The following TAFA2 variants were observed in gnomAD, a reference collection of about 807,000 sequenced individuals.
TAFA2 encodes the protein TAFA chemokine like family member 2, also known as chemokine-like protein TAFA-2.
In TAFA2, 7 loss-of-function variants were observed where a neutral mutation model predicts 18.8. The ratio of observed to expected loss-of-function variants is 0.37; its 90% CI spans 0.21 to 0.70. The LOEUF is 0.70. Among genes scored for constraint, TAFA2 ranks in the 30% least tolerant of loss-of-function variants. The probability of loss-of-function intolerance (pLI) is 0.53; values close to 1 mark genes in which losing one functional copy is unlikely to be tolerated. For missense variants in TAFA2, 122 were observed against 158.1 expected (o/e 0.77, Z 1.23); for synonymous variants, 60 against 54.2 (o/e 1.11, Z -0.47).
chr12:61,886,563 G>C (rs12308834), intron 1 of TAFA2, among the ~76,000 whole-genome samples: 4,001 of 152,230 alleles, frequency 0.026, 151 homozygotes, highest in African/African-American at 0.09. Context: ...AATGGATCCT[G>C]AGAACACAAG....
At chr12:62,215,289 G>T (rs1314333070) in intron 1 of TAFA2, among the ~76,000 whole-genome samples, 1 of 152,130 alleles carries the variant, frequency 6.6e-6, no homozygotes, top group Non-Finnish European at 1.5e-5. Context: ...AAGCAGCCCT[G>T]TGTGTCTTAT....
chr12:61,731,742 GT>G (rs575213216), intron 4 of TAFA2, among the ~76,000 whole-genome samples: 81 of 152,166 alleles, frequency 5.3e-4, no homozygotes, highest in Non-Finnish European at 1.0e-3. Flanking sequence ...CCAGTTTACA[GT>G]TGAGGACACG....
intron 1 of TAFA2, among the ~76,000 whole-genome samples, chr12:62,025,900 T>A (rs1247411047): frequency 6.6e-6 from 1 of 152,092 alleles, no homozygotes; most frequent in Non-Finnish European, 1.5e-5. Flanking sequence ...CTACCATATG[T>A]ACTGCAGAGG....
chr12:62,258,296 AAT>A (rs2062950186), intron 1 of TAFA2: 2 of 152,202 alleles, frequency 1.3e-5, no homozygotes, highest in African/African-American at 4.8e-5. Flanking sequence ...GTATAATTCA[AAT>A]TGGCATTGAA....
chr12:62,208,020 GC>G (rs2062699275), intron 1 of TAFA2, among the ~76,000 whole-genome samples: 1 of 152,138 alleles, frequency 6.6e-6, no homozygotes, highest in African/African-American at 2.4e-5. Flanking sequence ...AGTGAGATGG[GC>G]AATCTTGGTC....
intron 1 of TAFA2, among the ~76,000 whole-genome samples, chr12:62,110,555 A>G (rs574966744): frequency 6.7e-6 from 1 of 149,956 alleles, no homozygotes; most frequent in African/African-American, 2.5e-5. Flanking sequence ...AAGGAATGGC[A>G]CCAGCTTCCT....
intron 1 of TAFA2, among the ~76,000 whole-genome samples, chr12:61,980,254 C>T (rs964584485): frequency 1.8e-4 from 28 of 152,050 alleles, no homozygotes; most frequent in Admixed American, 6.6e-4. Flanking sequence ...AATTCAACAG[C>T]GCTTCATGCT....
At chr12:62,026,074 C>G (rs147189037) in intron 1 of TAFA2, among the ~76,000 whole-genome samples, 4 of 152,172 alleles carry the variant, frequency 2.6e-5, no homozygotes, top group Admixed American at 2.6e-4. Flanking sequence ...TAAAAAGAAG[C>G]CTACTTAAAA....
chr12:61,977,149 G>A (rs1879467613), intron 1 of TAFA2, among the ~76,000 whole-genome samples: 1 of 151,972 alleles, frequency 6.6e-6, no homozygotes, highest in Non-Finnish European at 1.5e-5. Flanking sequence ...CATTTCATAT[G>A]AATTTGCATT....
chr12:61,972,462 C>CCCTA (rs1325673572), intron 1 of TAFA2, among the ~76,000 whole-genome samples: 1 of 151,504 alleles, frequency 6.6e-6, no homozygotes, highest in East Asian at 1.9e-4. Context: ...GTTTTATGAG[C>CCCTA]CCTAAGGCCT....
intron 1 of TAFA2, among the ~76,000 whole-genome samples, chr12:61,952,873 T>C (rs1304281928): frequency 1.3e-5 from 2 of 152,226 alleles, no homozygotes; most frequent in African/African-American, 4.8e-5. Flanking sequence ...ACCGAGTACG[T>C]GTTTTTGCAC....
At chr12:61,727,975 T>A (rs1393702670) in intron 4 of TAFA2, among the ~76,000 whole-genome samples, 2 of 151,762 alleles carry the variant, frequency 1.3e-5, no homozygotes, top group Non-Finnish European at 2.9e-5. Flanking sequence ...TGACCCAACA[T>A]GAATCATTCA....
intron 1 of TAFA2, among the ~76,000 whole-genome samples, chr12:61,905,593 G>A (rs1876312206): frequency 6.6e-6 from 1 of 152,118 alleles, no homozygotes; most frequent in Non-Finnish European, 1.5e-5. Context: ...AGCATGACCA[G>A]ATAATCTCAA....
chr12:61,951,355 G>A (rs1393293463), intron 1 of TAFA2, among the ~76,000 whole-genome samples: 1 of 152,096 alleles, frequency 6.6e-6, no homozygotes, highest in African/African-American at 2.4e-5. Flanking sequence ...AATAAAAGAA[G>A]CCTGATGTTT....
chr12:62,031,815 A>G (rs963978908), intron 1 of TAFA2, among the ~76,000 whole-genome samples: 1 of 152,170 alleles, frequency 6.6e-6, no homozygotes, highest in African/African-American at 2.4e-5. Context: ...CTGAAGCATA[A>G]TTTGAATATT....
intron 1 of TAFA2, among the ~76,000 whole-genome samples, chr12:61,924,618 C>T (rs1157354599): frequency 1.3e-5 from 2 of 152,132 alleles, no homozygotes; most frequent in African/African-American, 2.4e-5. Flanking sequence ...AAAACCAGTA[C>T]CAGCCACTGT....
At chr12:62,115,400 T>C (rs1869920378) in intron 1 of TAFA2, among the ~76,000 whole-genome samples, 1 of 152,126 alleles carries the variant, frequency 6.6e-6, no homozygotes, top group Non-Finnish European at 1.5e-5. Flanking sequence ...TTTTTAAAGT[T>C]CATGAGCCTC....
chr12:62,029,811 A>ATCTCTCTC (rs71450570), intron 1 of TAFA2, among the ~76,000 whole-genome samples: 160 of 146,016 alleles, frequency 1.1e-3, no homozygotes, highest in Admixed American at 2.0e-3. Context: ...ATGTCTTCCT[A>ATCTCTCTC]TCTCTCTCTC....
upstream of TAFA2, among the ~76,000 whole-genome samples, chr12:62,194,000 T>C (rs761050103): frequency 2.0e-5 from 3 of 152,246 alleles, no homozygotes; most frequent in African/African-American, 2.4e-5. Flanking sequence ...ATGGCATATT[T>C]GACTTTGTCT....
Sources: allele counts gnomAD v4.1 joint callset (sites outside exome capture counted in the v4.1 genomes callset), GRCh38; gene constraint gnomAD v4.1.1; transcripts MANE v1.5; gene names NCBI Gene and HGNC (gene_info 2026-07-23, HGNC 2026-07-21).